The following TM9SF4 variants were observed in gnomAD, a reference collection of about 807,000 sequenced individuals.
TM9SF4 encodes dinucleotide oxidase disulfide thiol exchanger 3 superfamily member 4.
A neutral mutation model predicts 90.4 loss-of-function variants in TM9SF4; 26 were observed. That is an observed-to-expected ratio of 0.29 (90% CI 0.21 to 0.40). TM9SF4 has a LOEUF of 0.40. Ranked by LOEUF, TM9SF4 falls within the 10% of genes least tolerant of loss-of-function variation. The probability of loss-of-function intolerance (pLI) is 1.00; values close to 1 mark genes in which losing one functional copy is unlikely to be tolerated. For missense variants in TM9SF4, 549 were observed against 834.8 expected (o/e 0.66, Z 4.22); for synonymous variants, 293 against 315.4 (o/e 0.93, Z 0.75).
chr20:32,131,391 C>A (rs1036962596), intron 1 of TM9SF4, among the ~76,000 whole-genome samples: 1 of 152,130 alleles, frequency 6.6e-6, no homozygotes, highest in Non-Finnish European at 1.5e-5. Flanking sequence ...AACTTGTAGT[C>A]CAGGTAAAAG....
At chr20:32,142,187 A>G (rs750878001) in intron 5 of TM9SF4, among the ~76,000 whole-genome samples, 3 of 152,058 alleles carry the variant, frequency 2.0e-5, no homozygotes, top group Non-Finnish European at 4.4e-5. Flanking sequence ...GTAGTGGTCA[A>G]GAGCGTGCAG....
At chr20:32,126,509 T>G (rs539350080) in intron 1 of TM9SF4, among the ~76,000 whole-genome samples, 1 of 152,234 alleles carries the variant, frequency 6.6e-6, no homozygotes, top group East Asian at 1.9e-4. Flanking sequence ...TTGCACTCCT[T>G]CCCTGCCCCA....
In TM9SF4 at chr20:32,159,975, C is replaced by G. The variant is rs781175612; in HGVS notation, c.1570-17C>G. 1.9e-6 allele frequency: 3 copies of G among 1,614,166 alleles called. No homozygotes were observed. On this transcript the variant is annotated splice_polypyrimidine_tract_variant and intron_variant, in intron 15 of 17. Transcript: ENST00000398022. ...CAGGGTGGTCAAGCCAGCTGAAGCCCCACTGTGTGTCCACAGGCTATCTGG... is the reference window on the plus strand; with the variant it reads ...CAGGGTGGTCAAGCCAGCTGAAGCCGCACTGTGTGTCCACAGGCTATCTGG...
rs73906744 is a variant in TM9SF4 at position 32,131,599 on chromosome 20, T to C, written c.16-1414T>C. ...CAGGTGATCAGGAGGCTGTGGCCAATGTCCAGGTGGGAGGAAATAAGCATC... is the reference window on the plus strand; with the variant it reads ...CAGGTGATCAGGAGGCTGTGGCCAACGTCCAGGTGGGAGGAAATAAGCATC... On this transcript the variant is annotated intron_variant, in intron 1 of 17. Transcript: ENST00000398022. 2.0e-3 allele frequency among the ~76,000 whole-genome samples: 310 copies of C among 152,114 alleles called. 2 individuals are homozygous for C. Among genetic ancestry groups the C allele is most frequent in the African/African-American group, 6.7e-3 (279 of 41,454 alleles).
chr20:32,135,076 A>G (rs1205531754), intron 2 of TM9SF4, among the ~76,000 whole-genome samples: 2 of 152,190 alleles, frequency 1.3e-5, no homozygotes, highest in Non-Finnish European at 1.5e-5. Flanking sequence ...TAGTAAAGGT[A>G]GTTTTACTTA....
intron 5 of TM9SF4, among the ~76,000 whole-genome samples, chr20:32,142,499 A>G (rs2046696267): frequency 6.6e-6 from 1 of 152,238 alleles, no homozygotes; most frequent in African/African-American, 2.4e-5. Context: ...AAGAGAACCG[A>G]CAGTGGGAGG....
Position 32,115,061 on chromosome 20 carries a change from T to C in TM9SF4, c.15+5306T>C, listed in dbSNP as rs193102773. ...GATGGTCACTGTGATCTTTCCAAGC[T>C]GTTGTGTTGGTTGTATTGTCTGTCT... On this transcript the variant is annotated intron_variant, in intron 1 of 17. Transcript: ENST00000398022. 2.6e-5 allele frequency among the ~76,000 whole-genome samples: 4 copies of C among 152,316 alleles called. No homozygotes were observed. The East Asian group carries it at 5.8e-4, about 22-fold the overall frequency.
intron 1 of TM9SF4, among the ~76,000 whole-genome samples, chr20:32,114,251 A>G (rs2046189485): frequency 6.6e-6 from 1 of 152,354 alleles, no homozygotes. Context: ...AATAAATGAC[A>G]TCAAGATTCC....
chr20:32,165,480 G>T lies in TM9SF4; in HGVS notation c.*36G>T. The T allele has an allele frequency of 6.2e-7, 1 of 1,608,228 alleles. No homozygotes were observed. The highest frequency in any genetic ancestry group is 1.7e-5 in the Admixed American group (1 of 59,882). The stretch of plus-strand genomic sequence containing the variant: ...CCACGGCCAAGCTTGCTCCGTCCTC[G>T]GACAGGAAGCCACCCTGCGTGGGGG... On this transcript the variant is annotated 3_prime_UTR_variant, in exon 18 of 18. Coordinates refer to ENST00000398022, the MANE Select transcript of TM9SF4 (RefSeq NM_014742.4).
rs530616504 is a variant in TM9SF4 at position 32,154,241 on chromosome 20, C to T, written c.1246-862C>T. Among the ~76,000 whole-genome samples the T allele has an allele frequency of 3.3e-5, 5 of 151,998 alleles. No homozygotes were observed. The East Asian group carries it at 7.7e-4, about 24-fold the overall frequency. On this transcript the variant is annotated intron_variant, in intron 12 of 17. Coordinates refer to ENST00000398022, the MANE Select transcript of TM9SF4 (RefSeq NM_014742.4). ...TCGGCTCACTGCAACCTCTGCCTCC[C>T]GGGCTCAAGCAATCCATCTGTTTCA...
chr20:32,115,215 T>C (rs2046201681), intron 1 of TM9SF4, among the ~76,000 whole-genome samples: 1 of 152,166 alleles, frequency 6.6e-6, no homozygotes, highest in Non-Finnish European at 1.5e-5. Flanking sequence ...ATGCCCTTAA[T>C]CCCCCTCAGG....
intron 1 of TM9SF4, among the ~76,000 whole-genome samples, chr20:32,122,033 C>T (rs1485199405): frequency 2.8e-3 from 369 of 132,866 alleles, no homozygotes; most frequent in African/African-American, 0.011. Flanking sequence ...GGGGGGCTGA[C>T]CCCCCCACCT....
chr20:32,133,013 G>C lies in TM9SF4; in HGVS notation c.16G>C (p.Asp6His). The C allele has an allele frequency of 6.2e-7, 1 of 1,613,978 alleles. No homozygotes were observed. The highest frequency in any genetic ancestry group is 8.5e-7 in the Non-Finnish European group (1 of 1,179,892). Residue 6 changes from aspartate to histidine, a missense_variant and splice_region_variant, in exon 2 of 18, where the codon GAT (aspartate) becomes CAT (histidine). By Grantham distance (81) the Asp-to-His change is moderately conservative. Transcript: ENST00000398022. Reference sequence around the variant, plus strand: ...CAACCCTGGCCTCTCTTCTGAGCAGGATTGGTTGCCGTGGTCTTTACTGCT... The same window carrying C: ...CAACCCTGGCCTCTCTTCTGAGCAGCATTGGTTGCCGTGGTCTTTACTGCT... Reference protein sequence around the residue: MATAMDWLPWSLLLFS... With the variant: MATAMHWLPWSLLLFS...
At chr20:32,142,379 T>C (rs1381752952) in intron 5 of TM9SF4, among the ~76,000 whole-genome samples, 4 of 152,230 alleles carry the variant, frequency 2.6e-5, no homozygotes, top group African/African-American at 9.6e-5. Context: ...ATAGCCCTGA[T>C]TCTCTTATCT....
chr20:32,164,198 C>A (rs1157460930), intron 17 of TM9SF4, among the ~76,000 whole-genome samples: 1 of 151,164 alleles, frequency 6.6e-6, no homozygotes, highest in East Asian at 2.0e-4. Context: ...CCCCACCCCT[C>A]CCCCGACCAC....
chr20:32,157,987 G>C lies in TM9SF4; in HGVS notation c.1505+18G>C. On this transcript the variant is annotated intron_variant, in intron 14 of 17. Coordinates refer to ENST00000398022, the MANE Select transcript of TM9SF4 (RefSeq NM_014742.4). ...TTTGTGGGGTGAGTCCTCCAGCAGA[G>C]GCAAGAGCAGGGGAACGTGGAAGAG... 1.9e-6 allele frequency: 3 copies of C among 1,613,596 alleles called. No homozygotes were observed. Among genetic ancestry groups the C allele is most frequent in the Non-Finnish European group, 2.5e-6 (3 of 1,179,612 alleles).
chr20:32,136,036 A>T, intron 2 of TM9SF4, 38 bp from the exon 3 acceptor site: 1 of 1,581,612 alleles, frequency 6.3e-7, no homozygotes, highest in African/African-American at 1.3e-5. Flanking sequence ...ACCAGGGAGG[A>T]TTATTGGTCA....
intron 1 of TM9SF4, among the ~76,000 whole-genome samples, chr20:32,112,357 T>C (rs139802035): frequency 9.6e-4 from 146 of 152,228 alleles, no homozygotes; most frequent in African/African-American, 3.3e-3. Flanking sequence ...CCCTGATCAC[T>C]GCACTGCACT....
chr20:32,147,568 CG>C (rs1467957734), intron 9 of TM9SF4, among the ~76,000 whole-genome samples: 7 of 151,998 alleles, frequency 4.6e-5, no homozygotes, highest in African/African-American at 1.7e-4. Context: ...AAAACTAGGT[CG>C]GGGCTGGGCA....
Sources: gnomAD v4.1 joint callset for allele counts (sites outside exome capture counted in the v4.1 genomes callset) on GRCh38, gnomAD v4.1.1 for gene constraint, MANE v1.5 for transcripts, NCBI Gene and HGNC (gene_info 2026-07-23, HGNC 2026-07-21) for gene names.